TCF7L1: variants seen among roughly 807,000 people sequenced by gnomAD.
TCF7L1 encodes the protein transcription factor 7-like 1.
TCF7L1 carries 18 observed loss-of-function variants against 63.7 expected under a neutral mutation model. The observed-to-expected ratio is 0.28, with a 90% CI of 0.20 to 0.42. The LOEUF (loss-of-function observed/expected upper bound fraction) is 0.42, where lower values mean the gene tolerates loss of function less well. Ranked by LOEUF, TCF7L1 falls within the 10% of genes least tolerant of loss-of-function variation. The pLI is 1.00. For missense variants in TCF7L1, 654 were observed against 779.3 expected, an observed-to-expected ratio of 0.84 and a Z score of 1.91; for synonymous variants, 355 against 340.9, an observed-to-expected ratio of 1.04 and a Z score of -0.46.
chr2:85,284,193 G>A (rs1047186114), intron 4 of TCF7L1, among the ~76,000 whole-genome samples: 6 of 152,284 alleles, frequency 3.9e-5, no homozygotes, highest in South Asian at 2.1e-4. Flanking sequence ...GGTATTTTTA[G>A]TAGAGACGGT....
chr2:85,197,782 C>T (rs569327987), intron 3 of TCF7L1, among the ~76,000 whole-genome samples: 61 of 152,324 alleles, frequency 4.0e-4, no homozygotes, highest in African/African-American at 1.4e-3. Flanking sequence ...AAAATGTTTC[C>T]TCTGCTGAGA....
chr2:85,205,543 T>C (rs1232749275), intron 3 of TCF7L1, among the ~76,000 whole-genome samples: 1 of 152,080 alleles, frequency 6.6e-6, no homozygotes, highest in Non-Finnish European at 1.5e-5. Flanking sequence ...CATTGTTTTT[T>C]TTTTTTTTTC....
chr2:85,143,376 A>G (rs1004520632), intron 3 of TCF7L1, among the ~76,000 whole-genome samples: 8 of 152,220 alleles, frequency 5.3e-5, no homozygotes, highest in Non-Finnish European at 1.0e-4. Flanking sequence ...TTGTCTGAAT[A>G]AGCCTCTTCA....
intron 3 of TCF7L1, among the ~76,000 whole-genome samples, chr2:85,161,098 G>A (rs1408198884): frequency 6.6e-6 from 1 of 152,122 alleles, no homozygotes; most frequent in Admixed American, 6.5e-5. Flanking sequence ...CTTGTCCTCA[G>A]AAAAATCGCT....
At chr2:85,274,111 G>A (rs1235223421) in intron 3 of TCF7L1, among the ~76,000 whole-genome samples, 1 of 152,158 alleles carries the variant, frequency 6.6e-6, no homozygotes. Context: ...AGGGAAAGGA[G>A]GACTGGGCCT....
intron 4 of TCF7L1, among the ~76,000 whole-genome samples, chr2:85,299,409 G>A (rs970806706): frequency 1.3e-5 from 2 of 151,786 alleles, no homozygotes; most frequent in African/African-American, 2.4e-5. Context: ...AAAATTAGCC[G>A]GACATGGTGG....
At chr2:85,248,583 C>T (rs72840013) in intron 3 of TCF7L1, among the ~76,000 whole-genome samples, 7,992 of 152,276 alleles carry the variant, frequency 0.052, 293 homozygotes, top group Non-Finnish European at 0.078. Flanking sequence ...GAACACCTGA[C>T]AACATTTGTT....
At chr2:85,187,883 T>C (rs1042543197) in intron 3 of TCF7L1, among the ~76,000 whole-genome samples, 1 of 152,198 alleles carries the variant, frequency 6.6e-6, no homozygotes, top group African/African-American at 2.4e-5. Flanking sequence ...CTGGAAACTA[T>C]CCAGATGTTC....
intron 3 of TCF7L1, among the ~76,000 whole-genome samples, chr2:85,140,470 C>G (rs1046206284): frequency 9.4e-5 from 8 of 85,506 alleles, no homozygotes; most frequent in Admixed American, 7.6e-4. Context: ...ACTCCCCTCC[C>G]CCTTTCTTTT....
intron 3 of TCF7L1, among the ~76,000 whole-genome samples, chr2:85,272,808 C>A (rs1681181669): frequency 6.6e-6 from 1 of 152,052 alleles, no homozygotes; most frequent in Non-Finnish European, 1.5e-5. Flanking sequence ...ATCCATTAAC[C>A]AGTATATCAA....
At chr2:85,281,076 T>A (rs765858718) in intron 3 of TCF7L1, among the ~76,000 whole-genome samples, 2 of 146,712 alleles carry the variant, frequency 1.4e-5, no homozygotes, top group Middle Eastern at 3.3e-3. Flanking sequence ...CAGGCTGGAG[T>A]GCAGTGGTGT....
At chr2:85,243,797 A>T (rs1680397028) in intron 3 of TCF7L1, among the ~76,000 whole-genome samples, 1 of 152,136 alleles carries the variant, frequency 6.6e-6, no homozygotes, top group Non-Finnish European at 1.5e-5. Flanking sequence ...CCGGGTATTC[A>T]TATTGTGACT....
intron 3 of TCF7L1, among the ~76,000 whole-genome samples, chr2:85,147,258 C>G (rs563434571): frequency 1.2e-4 from 19 of 152,318 alleles, no homozygotes; most frequent in African/African-American, 4.3e-4. Flanking sequence ...GCAGCAGGTC[C>G]TTATTCTCTT....
intron 3 of TCF7L1, among the ~76,000 whole-genome samples, chr2:85,198,438 G>T (rs1679204641): frequency 6.6e-6 from 1 of 152,168 alleles, no homozygotes. Context: ...CTCACTTCTG[G>T]TCTCAGAGGC....
chr2:85,238,583 G>A (rs1400775176), intron 3 of TCF7L1, among the ~76,000 whole-genome samples: 5 of 152,108 alleles, frequency 3.3e-5, no homozygotes, highest in Non-Finnish European at 7.4e-5. Context: ...AGGAGCTGAG[G>A]ATGGGGCAGA....
At chr2:85,226,672 T>C (rs2104306921) in intron 3 of TCF7L1, among the ~76,000 whole-genome samples, 1 of 152,212 alleles carries the variant, frequency 6.6e-6, no homozygotes, top group East Asian at 1.9e-4. Context: ...TAATAACCAC[T>C]CACTCCTAGG....
chr2:85,246,792 C>G (rs909833657), intron 3 of TCF7L1, among the ~76,000 whole-genome samples: 2 of 152,172 alleles, frequency 1.3e-5, no homozygotes, highest in African/African-American at 4.8e-5. Context: ...TGAAATCATG[C>G]AGTCTAGTCA....
chr2:85,143,931 G>A (rs1027640283), intron 3 of TCF7L1, among the ~76,000 whole-genome samples: 4 of 152,194 alleles, frequency 2.6e-5, no homozygotes, highest in South Asian at 2.1e-4. Flanking sequence ...ATGACCTTTC[G>A]TGGGCTGTCC....
intron 3 of TCF7L1, among the ~76,000 whole-genome samples, chr2:85,269,644 C>A (rs941832978): frequency 2.6e-5 from 4 of 152,142 alleles, no homozygotes; most frequent in African/African-American, 9.7e-5. Context: ...ATTTTAAATA[C>A]TTAAATATTT....
Sources: allele counts gnomAD v4.1 joint callset (sites outside exome capture counted in the v4.1 genomes callset), GRCh38; gene constraint gnomAD v4.1.1; transcripts MANE v1.5; gene names NCBI Gene and HGNC (gene_info 2026-07-23, HGNC 2026-07-21).